The following MICOS10 variants were observed in gnomAD, a reference collection of about 807,000 sequenced individuals.
MICOS10 encodes the protein MICOS complex subunit MIC10.
MICOS10 carries 5 observed loss-of-function variants against 13.4 expected under a neutral mutation model. The observed-to-expected ratio is 0.37, with a 90% CI of 0.20 to 0.78. MICOS10 has a LOEUF of 0.78. MICOS10 is among the 30% of genes least tolerant of loss of function. The probability of loss-of-function intolerance (pLI) is 0.47; values close to 1 mark genes in which losing one functional copy is unlikely to be tolerated. For missense variants in MICOS10, 101 were observed against 94.6 expected (o/e 1.07, Z -0.28); for synonymous variants, 35 against 33.6 (o/e 1.04, Z -0.15).
intron 1 of MICOS10, among the ~76,000 whole-genome samples, chr1:19,620,558 C>A (rs571869296): frequency 6.6e-6 from 1 of 152,068 alleles, no homozygotes; most frequent in Non-Finnish European, 1.5e-5. Flanking sequence ...ATACAGCAGC[C>A]CAGTTGAACT....
At chr1:19,607,663 A>G (rs765547991) in intron 1 of MICOS10, among the ~76,000 whole-genome samples, 15 of 152,206 alleles carry the variant, frequency 9.9e-5, no homozygotes, top group Non-Finnish European at 1.3e-4. Flanking sequence ...GGAAGTTTAT[A>G]TTATCTCTGT....
intron 1 of MICOS10, among the ~76,000 whole-genome samples, chr1:19,606,805 C>T (rs2094836602): frequency 6.6e-6 from 1 of 151,906 alleles, no homozygotes; most frequent in Non-Finnish European, 1.5e-5. Flanking sequence ...AGCTGACTTG[C>T]CTTAGAATTA....
At chr1:19,615,222 A>G (rs945603311) in intron 1 of MICOS10, among the ~76,000 whole-genome samples, 5 of 152,236 alleles carry the variant, frequency 3.3e-5, no homozygotes, top group African/African-American at 7.2e-5. Flanking sequence ...TGCTGAAGCC[A>G]GTACTCTTGC....
Position 19,600,180 on chromosome 1 carries a change from T to A in MICOS10, c.64+3071T>A, listed in dbSNP as rs72656052. Among the ~76,000 whole-genome samples, 240 of 152,310 alleles carry A rather than the reference T, an allele frequency of 1.6e-3. 2 individuals are homozygous for A. The highest frequency in any genetic ancestry group is 2.2e-3 in the Non-Finnish European group (151 of 68,028). On this transcript the variant is annotated intron_variant, in intron 1 of 3. Transcript: ENST00000322753. ...AGAATGAATTTGGAGCAGAGGAAACTAGCAGTACTGTGATTGTGAGGTGAT... is the reference window on the plus strand; with the variant it reads ...AGAATGAATTTGGAGCAGAGGAAACAAGCAGTACTGTGATTGTGAGGTGAT...
At chr1:19,610,239 TAGAC>T (rs911966532) in intron 1 of MICOS10, among the ~76,000 whole-genome samples, 11 of 151,834 alleles carry the variant, frequency 7.2e-5, no homozygotes, top group South Asian at 2.1e-4. Context: ...GCTCTTTAGA[TAGAC>T]AGTATGAAAG....
intron 1 of MICOS10, among the ~76,000 whole-genome samples, chr1:19,614,871 G>T (rs1366254329): frequency 6.6e-6 from 1 of 152,180 alleles, no homozygotes; most frequent in East Asian, 1.9e-4. Flanking sequence ...TCCTGGATGT[G>T]CCTTATGCTT....
At chr1:19,620,481 A>T (rs2100320758) in intron 1 of MICOS10, among the ~76,000 whole-genome samples, 1 of 152,304 alleles carries the variant, frequency 6.6e-6, no homozygotes, top group East Asian at 1.9e-4. Flanking sequence ...TTCCAAAGAG[A>T]ATAGCCTTAT....
chr1:19,608,578 C>G, intron 1 of MICOS10: 3 of 819,706 alleles, frequency 3.7e-6, no homozygotes, highest in Non-Finnish European at 6.3e-6. Context: ...AACAAGATTC[C>G]TCAAAATATT....
chr1:19,604,145 A>T (rs2745220), intron 1 of MICOS10, among the ~76,000 whole-genome samples: 50,619 of 152,030 alleles, frequency 0.33, 11,397 homozygotes, highest in African/African-American at 0.65. Context: ...CCCAGAGGGT[A>T]GTTGCAAGTG....
intron 1 of MICOS10, among the ~76,000 whole-genome samples, chr1:19,612,002 C>A (rs1169886271): frequency 7.0e-6 from 1 of 142,168 alleles, no homozygotes; most frequent in Non-Finnish European, 1.5e-5. Flanking sequence ...TTTTTCTTCA[C>A]TCATTTTATG....
chr1:19,617,651 A>G (rs2094889074), intron 1 of MICOS10, among the ~76,000 whole-genome samples: 3 of 152,226 alleles, frequency 2.0e-5, no homozygotes, highest in Admixed American at 2.0e-4. Context: ...ACTCAGTTCC[A>G]AGGGTATTTT....
intron 1 of MICOS10, among the ~76,000 whole-genome samples, chr1:19,602,319 C>G (rs1014415199): frequency 6.6e-6 from 1 of 152,178 alleles, no homozygotes; most frequent in Admixed American, 6.5e-5. Flanking sequence ...TGAAAAACTC[C>G]AAGTAAAGTA....
chr1:19,602,986 G>GGGCT (rs2094821411), intron 1 of MICOS10, among the ~76,000 whole-genome samples: 1 of 152,020 alleles, frequency 6.6e-6, no homozygotes, highest in Admixed American at 6.6e-5. Flanking sequence ...AGACTTCCAG[G>GGGCT]GGCTGCTTCC....
chr1:19,625,395 C>G lies in MICOS10; in HGVS notation c.223-992C>G, dbSNP rs2094918320. 5 of 1,288,984 alleles carry G rather than the reference C, an allele frequency of 3.9e-6. No individual in the cohort carries two copies. In the South Asian group the frequency reaches 6.2e-5, roughly 16 times the overall value. 79.8% of individuals were successfully genotyped at this position (1,288,984 alleles called of 1,614,324 possible). A position where few individuals can be genotyped will look rare whatever the true frequency, so the allele number is the denominator to read the frequency against. ...GGCCCTGCACCTGCCATTTTAGAAC[C>G]TGCTGAAACCGTCAGCTGCCTGCAG... On this transcript the variant is annotated intron_variant, in intron 3 of 3. Transcript: ENST00000322753.
rs568896395 is a variant in MICOS10, at chr1:19,624,866, C to T, written c.222+1283C>T. Among the ~76,000 whole-genome samples the T allele has an allele frequency of 7.0e-4, 107 of 152,228 alleles. 2 individuals carry two copies. Among genetic ancestry groups the T allele is most frequent in the Middle Eastern group, 6.8e-3 (2 of 294 alleles). On this transcript the variant is annotated intron_variant, in intron 3 of 3. Coordinates refer to ENST00000322753, the MANE Select transcript of MICOS10 (RefSeq NM_001032363.4). ...AAATTATTCTATTAGAGGTAAGTGC[C>T]GATGGCCTCAGGCTTACTAAGGCAT...
At chr1:19,601,276 A>G (rs1190761137) in intron 1 of MICOS10, 2 of 311,446 alleles carry the variant, frequency 6.4e-6, no homozygotes, top group Non-Finnish European at 1.3e-5. Flanking sequence ...CCCCATTACT[A>G]TCTTAAGAAA....
At chr1:19,614,185 T>C (rs925853356) in intron 1 of MICOS10, among the ~76,000 whole-genome samples, 11 of 151,900 alleles carry the variant, frequency 7.2e-5, no homozygotes, top group Non-Finnish European at 1.3e-4. Flanking sequence ...AAGAATCAAG[T>C]TATATTTTAG....
chr1:19,623,798 T>C (rs759558877), intron 3 of MICOS10: 2 of 448,016 alleles, frequency 4.5e-6, no homozygotes, highest in Non-Finnish European at 4.0e-6. Context: ...CGTTCAGATA[T>C]ATACTCATGT....
At chr1:19,611,700 G>A (rs1217193562) in intron 1 of MICOS10, among the ~76,000 whole-genome samples, 1 of 151,738 alleles carries the variant, frequency 6.6e-6, no homozygotes, top group African/African-American at 2.4e-5. Context: ...GGCCAGGCGC[G>A]ATGGCTCACA....
Sources: allele counts gnomAD v4.1 joint callset (sites outside exome capture counted in the v4.1 genomes callset), GRCh38; gene constraint gnomAD v4.1.1; transcripts MANE v1.5; gene names NCBI Gene and HGNC (gene_info 2026-07-23, HGNC 2026-07-21).